Variants in KCNIP4 observed in about 807,000 individuals in gnomAD.
The protein encoded by KCNIP4 is potassium voltage-gated channel interacting protein 4.
In KCNIP4, 12 loss-of-function variants were observed where a neutral mutation model predicts 34.0. That is an observed-to-expected ratio of 0.35 (90% CI 0.23 to 0.57). The LOEUF (loss-of-function observed/expected upper bound fraction) is 0.57. KCNIP4 is among the 20% of genes least tolerant of loss of function. KCNIP4 has a pLI of 0.83. For missense variants in KCNIP4, 238 were observed against 311.7 expected, an observed-to-expected ratio of 0.76 and a Z score of 1.78; for synonymous variants, 124 against 102.2, an observed-to-expected ratio of 1.21 and a Z score of -1.29.
At chr4:21,616,912 A>G (rs891380100) in intron 1 of KCNIP4, among the ~76,000 whole-genome samples, 2 of 152,226 alleles carry the variant, frequency 1.3e-5, no homozygotes, top group Non-Finnish European at 2.9e-5. Flanking sequence ...CAGGACTTCA[A>G]CATATCTTTT....
chr4:20,849,985 C>A (rs1488577040), intron 3 of KCNIP4, among the ~76,000 whole-genome samples: 1 of 152,162 alleles, frequency 6.6e-6, no homozygotes, highest in Non-Finnish European at 1.5e-5. Context: ...CTGGGGTTTT[C>A]TGGGCTCTCA....
chr4:21,629,703 A>G (rs2109199835), intron 1 of KCNIP4, among the ~76,000 whole-genome samples: 1 of 152,270 alleles, frequency 6.6e-6, no homozygotes, highest in African/African-American at 2.4e-5. Flanking sequence ...CCTATAGGGA[A>G]TTTAGATTCT....
chr4:21,218,029 T>A (rs546560535), intron 1 of KCNIP4, among the ~76,000 whole-genome samples: 16 of 151,400 alleles, frequency 1.1e-4, no homozygotes, highest in African/African-American at 2.7e-4. Context: ...TATTATTATT[T>A]TTTTAGACGG....
intron 1 of KCNIP4, among the ~76,000 whole-genome samples, chr4:21,426,238 G>A (rs1173695799): frequency 6.6e-6 from 1 of 152,122 alleles, no homozygotes; most frequent in East Asian, 1.9e-4. Context: ...CAAAAGCAAA[G>A]GCATAGAAAC....
At chr4:21,535,740 T>C (rs915194258) in intron 1 of KCNIP4, among the ~76,000 whole-genome samples, 2 of 152,220 alleles carry the variant, frequency 1.3e-5, no homozygotes, top group African/African-American at 4.8e-5. Flanking sequence ...TGTTATTCCT[T>C]ACTTTTGGAA....
At chr4:21,326,360 CTTCTT>C (rs879843008) in intron 1 of KCNIP4, among the ~76,000 whole-genome samples, 5 of 151,484 alleles carry the variant, frequency 3.3e-5, no homozygotes, top group Admixed American at 2.6e-4. Flanking sequence ...CTCTTTATCT[CTTCTT>C]TGTTCTTTTT....
At chr4:21,191,582 T>C (rs996812993) in intron 1 of KCNIP4, among the ~76,000 whole-genome samples, 1 of 152,140 alleles carries the variant, frequency 6.6e-6, no homozygotes, top group Non-Finnish European at 1.5e-5. Flanking sequence ...AGCAAGGCAA[T>C]GAGGAGCTGA....
At chr4:21,149,187 T>G (rs953172128) in intron 1 of KCNIP4, among the ~76,000 whole-genome samples, 1 of 152,228 alleles carries the variant, frequency 6.6e-6, no homozygotes, top group Non-Finnish European at 1.5e-5. Context: ...GAGGGTTTTA[T>G]AGTTTTGGGA....
At chr4:21,752,964 C>A (rs1403543573) in intron 1 of KCNIP4, among the ~76,000 whole-genome samples, 4 of 152,120 alleles carry the variant, frequency 2.6e-5, no homozygotes, top group African/African-American at 9.7e-5. Flanking sequence ...CTTTATTGAC[C>A]ATAAAATGTG....
At chr4:21,064,811 C>T (rs565827827) in intron 1 of KCNIP4, among the ~76,000 whole-genome samples, 9 of 151,826 alleles carry the variant, frequency 5.9e-5, no homozygotes, top group African/African-American at 1.2e-4. Flanking sequence ...TAAAAAATGG[C>T]GGTATATGTG....
At chr4:20,924,937 T>G (rs1335562226) in intron 1 of KCNIP4, among the ~76,000 whole-genome samples, 1 of 152,200 alleles carries the variant, frequency 6.6e-6, no homozygotes, top group Non-Finnish European at 1.5e-5. Flanking sequence ...GCTTCCCAGA[T>G]TTGTATGGAC....
intron 1 of KCNIP4, among the ~76,000 whole-genome samples, chr4:21,405,454 A>C (rs1027703057): frequency 6.6e-6 from 1 of 152,316 alleles, no homozygotes; most frequent in South Asian, 2.1e-4. Context: ...ACACGTCAGC[A>C]GGTATTTCTT....
At chr4:20,803,727 G>GGAAGGA (rs779473449) in intron 3 of KCNIP4, among the ~76,000 whole-genome samples, 3,514 of 90,708 alleles carry the variant, frequency 0.039, 102 homozygotes, top group East Asian at 0.072. Context: ...GAGAGAGAGA[G>GGAAGGA]AGGAAGGAAG....
chr4:20,769,962 C>T (rs1755731077), intron 3 of KCNIP4, among the ~76,000 whole-genome samples: 2 of 152,200 alleles, frequency 1.3e-5, no homozygotes, highest in Admixed American at 6.5e-5. Context: ...ATCTCTGTAT[C>T]TTAAGGTCAA....
At chr4:20,947,568 T>A (rs4697201) in intron 1 of KCNIP4, among the ~76,000 whole-genome samples, 30,589 of 152,164 alleles carry the variant, frequency 0.2, 3,688 homozygotes, top group East Asian at 0.49. Flanking sequence ...ATCCTCCTAG[T>A]ACTTAGCCTA....
At chr4:20,868,812 C>G (rs1253812967) in intron 2 of KCNIP4, among the ~76,000 whole-genome samples, 1 of 152,058 alleles carries the variant, frequency 6.6e-6, no homozygotes, top group Non-Finnish European at 1.5e-5. Context: ...AATATGGGAA[C>G]AGTAGACACT....
At chr4:20,747,025 T>TTAAA (rs1752547165) in intron 5 of KCNIP4, among the ~76,000 whole-genome samples, 1 of 152,240 alleles carries the variant, frequency 6.6e-6, no homozygotes. Context: ...TCAAACTTTA[T>TTAAA]TAATTTAGCC....
At chr4:21,239,519 G>C (rs929093836) in intron 1 of KCNIP4, among the ~76,000 whole-genome samples, 1 of 151,630 alleles carries the variant, frequency 6.6e-6, no homozygotes, top group Non-Finnish European at 1.5e-5. Context: ...GAACTCAAGC[G>C]AATTTACAAG....
intron 1 of KCNIP4, among the ~76,000 whole-genome samples, chr4:21,730,974 C>T (rs550787616): frequency 2.0e-5 from 3 of 152,042 alleles, no homozygotes; most frequent in Non-Finnish European, 2.9e-5. Flanking sequence ...ATTAGCCAGA[C>T]GTGGTGGTAC....
Sources: allele counts gnomAD v4.1 joint callset (sites outside exome capture counted in the v4.1 genomes callset), GRCh38; gene constraint gnomAD v4.1.1; transcripts MANE v1.5; gene names NCBI Gene and HGNC (gene_info 2026-07-23, HGNC 2026-07-21).